The following THSD7A variants were observed in gnomAD, a reference collection of about 807,000 sequenced individuals.
THSD7A encodes the protein thrombospondin type 1 domain containing 7A.
In THSD7A, 96 loss-of-function variants were observed where a neutral mutation model predicts 231.3. The ratio of observed to expected loss-of-function variants is 0.41; its 90% confidence interval spans 0.35 to 0.49. The LOEUF is 0.49. Ranked by LOEUF, THSD7A falls within the 20% of genes least tolerant of loss-of-function variation. THSD7A has a pLI of 0.05. For missense variants in THSD7A, 2,290 were observed against 2,070.2 expected (o/e 1.11, Z -2.06); for synonymous variants, 940 against 743.3 (o/e 1.26, Z -4.30).
intron 1 of THSD7A, among the ~76,000 whole-genome samples, chr7:11,662,182 A>T (rs1782952744): frequency 6.6e-6 from 1 of 151,364 alleles, no homozygotes; most frequent in Non-Finnish European, 1.5e-5. Context: ...AAAGGTGATC[A>T]GACTGGATAT....
chr7:11,382,343 T>C lies in THSD7A; in HGVS notation c.4507+178A>G, dbSNP rs1361333058. ...GGTGAGAGATAATTTGAACCACCTA[T>C]AAAATAAAATAATTTGTCATTGGTC... On this transcript the variant is annotated intron_variant, in intron 24 of 27. Coordinates refer to ENST00000423059, the MANE Select transcript of THSD7A (RefSeq NM_015204.3). 4.6e-5 allele frequency among the ~76,000 whole-genome samples: 7 copies of C among 152,166 alleles called. No individual in the cohort carries two copies. The South Asian group carries it at 1.4e-3, about 31-fold the overall frequency.
rs933781698 is a variant in THSD7A, at chr7:11,371,190, C to T, written c.*4604G>A. 4 of 152,164 alleles carry T rather than the reference C, an allele frequency of 2.6e-5. No individual in the cohort carries two copies. The highest frequency in any genetic ancestry group is 4.4e-5 in the Non-Finnish European group (3 of 68,028). The allele number at this position is 152,164 out of a possible 1,614,324, so 9.4% of individuals were successfully genotyped here. On this transcript the variant is annotated 3_prime_UTR_variant, in exon 28 of 28. Coordinates refer to ENST00000423059, the MANE Select transcript of THSD7A (RefSeq NM_015204.3). ...CATTCATTTAATAATGTAGACATAA[C>T]CATTTTTCATTGTCCCTGCTAGATA...
intron 2 of THSD7A, among the ~76,000 whole-genome samples, chr7:11,613,790 A>G (rs1781015620): frequency 6.6e-6 from 1 of 152,158 alleles, no homozygotes; most frequent in African/African-American, 2.4e-5. Flanking sequence ...TTGTCCTAGA[A>G]GGGGTAGTAG....
intron 6 of THSD7A, among the ~76,000 whole-genome samples, chr7:11,526,942 A>G (rs1788499812): frequency 6.6e-6 from 1 of 152,186 alleles, no homozygotes; most frequent in African/African-American, 2.4e-5. Context: ...TATTGCACTC[A>G]CCTTATACAG....
chr7:11,460,532 G>T, intron 11 of THSD7A, 130 bp downstream of exon 11: 1 of 578,040 alleles, frequency 1.7e-6, no homozygotes, highest in Non-Finnish European at 2.9e-6. Flanking sequence ...ATGTTTTGTG[G>T]AATGGCTCAT....
intron 1 of THSD7A, among the ~76,000 whole-genome samples, chr7:11,782,663 A>G (rs913100260): frequency 5.9e-5 from 9 of 152,180 alleles, no homozygotes; most frequent in Non-Finnish European, 2.9e-5. Context: ...TTACCTTAAA[A>G]GCAGAATATA....
At chr7:11,600,748 T>C (rs1297623107) in intron 2 of THSD7A, among the ~76,000 whole-genome samples, 1 of 152,212 alleles carries the variant, frequency 6.6e-6, no homozygotes, top group Non-Finnish European at 1.5e-5. Flanking sequence ...ACTGTGGTAA[T>C]CAACCATAGA....
rs1783421097 is a variant in THSD7A, at chr7:11,401,965, T to C, written c.4241A>G (p.Asp1414Gly). The change falls in exon 23 of 28, where the codon GAC becomes GGC. Residue 1414 changes from aspartate to glycine, a missense_variant. Asp to Gly is a moderately conservative substitution (Grantham distance 94). Coordinates refer to ENST00000423059, the MANE Select transcript of THSD7A (RefSeq NM_015204.3). Reference protein sequence around the residue: ...EESCSQPCPGDCYLKDWSSWS... With the variant: ...EESCSQPCPGGCYLKDWSSWS... ...GGAAGACCAGTCCTTCAAATAACAG[T>C]CACCTGTAAAACACATATTTGTAAT... 6.2e-7 allele frequency: 1 copy of C among 1,612,224 alleles called. No homozygotes were observed. Among genetic ancestry groups the C allele is most frequent in the African/African-American group, 1.3e-5 (1 of 74,812 alleles).
At chr7:11,669,912 A>C (rs10278097) in intron 1 of THSD7A, among the ~76,000 whole-genome samples, 8,897 of 152,058 alleles carry the variant, frequency 0.059, 854 homozygotes, top group African/African-American at 0.2. Context: ...CCATGTGAAC[A>C]ATTTTCATCC....
At chr7:11,526,782 G>A (rs1788493572) in intron 6 of THSD7A, among the ~76,000 whole-genome samples, 2 of 152,042 alleles carry the variant, frequency 1.3e-5, no homozygotes, top group Admixed American at 6.6e-5. Context: ...TTTTCTGAGT[G>A]AGGCCTCTTC....
At chr7:11,674,573 A>G (rs1156633564) in intron 1 of THSD7A, among the ~76,000 whole-genome samples, 1 of 152,200 alleles carries the variant, frequency 6.6e-6, no homozygotes. Context: ...TCTGCAACAA[A>G]GGAACCTGTA....
chr7:11,666,539 C>T (rs889524277), intron 1 of THSD7A, among the ~76,000 whole-genome samples: 4 of 151,792 alleles, frequency 2.6e-5, no homozygotes, highest in African/African-American at 9.7e-5. Flanking sequence ...TTTTGTTTTA[C>T]TGCCTAATAC....
At chr7:11,669,284 A>T (rs1526524) in intron 1 of THSD7A, among the ~76,000 whole-genome samples, 65,502 of 152,044 alleles carry the variant, frequency 0.43, 14,621 homozygotes, top group African/African-American at 0.55. Context: ...CTTAGTGTTA[A>T]AGAGACATAC....
intron 6 of THSD7A, among the ~76,000 whole-genome samples, chr7:11,539,826 GC>G (rs1033530500): frequency 6.6e-6 from 1 of 152,086 alleles, no homozygotes; most frequent in African/African-American, 2.4e-5. Context: ...TAACTTTTTA[GC>G]GTTTTGTTTC....
chr7:11,783,275 C>G (rs1007575267), intron 1 of THSD7A, among the ~76,000 whole-genome samples: 1 of 152,152 alleles, frequency 6.6e-6, no homozygotes, highest in Admixed American at 6.5e-5. Flanking sequence ...AGAACACTTA[C>G]ATTAGCCTAC....
intron 2 of THSD7A, among the ~76,000 whole-genome samples, chr7:11,619,609 T>C (rs539365799): frequency 6.6e-6 from 1 of 151,886 alleles, no homozygotes; most frequent in Admixed American, 6.6e-5. Context: ...TCTGTAGAGA[T>C]AGAGGCCTCA....
intron 1 of THSD7A, among the ~76,000 whole-genome samples, chr7:11,716,821 T>C (rs1457526357): frequency 6.6e-6 from 1 of 151,550 alleles, no homozygotes; most frequent in East Asian, 2.0e-4. Context: ...ACATTGCTTT[T>C]ATACTACTAC....
At chr7:11,696,263 A>C (rs1479660931) in intron 1 of THSD7A, among the ~76,000 whole-genome samples, 1 of 151,462 alleles carries the variant, frequency 6.6e-6, no homozygotes, top group Non-Finnish European at 1.5e-5. Flanking sequence ...AATGAGAGTA[A>C]AATTGCCAAT....
chr7:11,750,675 T>C (rs1295988873), intron 1 of THSD7A, among the ~76,000 whole-genome samples: 2 of 152,002 alleles, frequency 1.3e-5, no homozygotes, highest in African/African-American at 2.4e-5. Flanking sequence ...CTCAAACTTA[T>C]ATGGCCAGTC....
Sources: allele counts gnomAD v4.1 joint callset (sites outside exome capture counted in the v4.1 genomes callset), GRCh38; gene constraint gnomAD v4.1.1; transcripts MANE v1.5; gene names NCBI Gene and HGNC (gene_info 2026-07-23, HGNC 2026-07-21).